Variants in KLHL41 observed in about 807,000 individuals in gnomAD.
KLHL41 encodes the protein kelch like family member 41, also known as kelch-like protein 41.
In KLHL41, 31 loss-of-function variants were observed where a neutral mutation model predicts 49.2. That is an observed-to-expected ratio of 0.63 (90% CI 0.47 to 0.85). KLHL41 has a LOEUF of 0.85. Among genes scored for constraint, KLHL41 ranks in the 40% least tolerant of loss-of-function variants. The pLI, the probability that KLHL41 is intolerant of heterozygous loss-of-function variation, is 0.00. For missense variants in KLHL41, 663 were observed against 726.7 expected (o/e 0.91, Z 1.01); for synonymous variants, 218 against 258.5 (o/e 0.84, Z 1.50).
Position 169,510,772 on chromosome 2 carries a change from C to T in KLHL41, c.994C>T (p.Gln332Ter). 6.2e-7 allele frequency: 1 copy of T among 1,614,134 alleles called. No individual in the cohort carries two copies. The highest frequency in any genetic ancestry group is 8.5e-7 in the Non-Finnish European group (1 of 1,180,032). ...NECYLTALAE[Q>*]IPRNHSSIVT... ...ATGCTACCTTACTGCACTGGCTGAG[C>T]AGATTCCCAGAAATCATTCCAGCAT... is the stretch of plus-strand genomic sequence containing the variant. Residue 332 changes from glutamine (Q) to a stop codon, truncating the protein, a stop_gained, in exon 1 of 6, where the codon CAG becomes TAG. Coordinates refer to ENST00000284669, the MANE Select transcript of KLHL41 (RefSeq NM_006063.3). LOFTEE classifies it high-confidence loss of function. This position sits in a 1 kb window ranked among gnomAD's most constrained non-coding sequence, Gnocchi z 4.2.
Position 169,509,961 on chromosome 2 carries a change from C to T in KLHL41, c.183C>T (p.Tyr61=). Residue 61 remains tyrosine, a synonymous_variant, in exon 1 of 6, where the codon TAC becomes TAT. Coordinates refer to ENST00000284669, the MANE Select transcript of KLHL41 (RefSeq NM_006063.3). The part of the protein sequence containing the change: ...LSACSPYFRE[Y]FLSEIDEAKK... Reference sequence around the variant, plus strand: ...CTTGTAGTCCTTACTTCCGTGAGTACTTTTTATCTGAAATTGATGAGGCGA... The same window carrying T: ...CTTGTAGTCCTTACTTCCGTGAGTATTTTTTATCTGAAATTGATGAGGCGA... 1 of 1,614,032 alleles carries T rather than the reference C, an allele frequency of 6.2e-7. No homozygotes were observed. The highest frequency in any genetic ancestry group is 1.3e-5 in the African/African-American group (1 of 74,998).
rs780442771 is a variant in KLHL41, at chr2:169,514,934, A to G, written c.1349A>G (p.Tyr450Cys). ...GTGATTTCACATAAAGGGATGATATATTGTCTAGGAGGAAAGACAGATGAC... is the reference window on the plus strand; with the variant it reads ...GTGATTTCACATAAAGGGATGATATGTTGTCTAGGAGGAAAGACAGATGAC... Reference protein sequence around the residue: ...HNVISHKGMIYCLGGKTDDKK... With the variant: ...HNVISHKGMICCLGGKTDDKK... The change falls in exon 3 of 6, where the codon TAT becomes TGT. Residue 450 changes from tyrosine to cysteine, a missense_variant. By Grantham distance (194) the Tyr-to-Cys change is radical (BLOSUM62 -2). Around this residue, in one of 3 missense-constraint regions of KLHL41, gnomAD observed 528 missense variants for 581.0 expected, o/e 0.91. Coordinates refer to ENST00000284669, the MANE Select transcript of KLHL41 (RefSeq NM_006063.3). 3.1e-6 allele frequency: 5 copies of G among 1,608,186 alleles called. No individual in the cohort carries two copies. Among genetic ancestry groups the G allele is most frequent in the Admixed American group, 1.7e-5 (1 of 59,238 alleles).
At position 169,510,653 on chromosome 2, in the gene KLHL41, T is replaced by G; in HGVS notation, c.875T>G (p.Leu292Arg). The G allele has an allele frequency of 6.2e-7, 1 of 1,614,162 alleles. No individual in the cohort carries two copies. Among genetic ancestry groups the G allele is most frequent in the Non-Finnish European group, 8.5e-7 (1 of 1,180,022 alleles). Residue 292 changes from leucine (L) to arginine (R), a missense_variant, in exon 1 of 6, where the codon CTG (leucine) becomes CGG (arginine). Physicochemically the swap from Leu to Arg is moderately radical, Grantham distance 102. Around this residue, in one of 3 missense-constraint regions of KLHL41, gnomAD observed 528 missense variants for 581.0 expected, o/e 0.91. Coordinates refer to ENST00000284669, the MANE Select transcript of KLHL41 (RefSeq NM_006063.3). The surrounding 1 kb of genome is among the most constrained non-coding windows in gnomAD (Gnocchi z 4.2). ...GATGAAGATTTACTTCCTGGTTACC[T>G]GAATGACATTCCCAGGCATGGAATG... ...VGDEDLLPGY[L>R]NDIPRHGMFV...
rs554863084 is a variant in KLHL41, at chr2:169,518,280, A to G, written c.1467A>G (p.Gly489=). 3.1e-6 allele frequency: 5 copies of G among 1,614,046 alleles called. No individual in the cohort carries two copies. In the East Asian group the frequency reaches 1.1e-4, roughly 36 times the overall value. The part of the protein sequence containing the change: ...APMKIPRSMF[G]VAVHKGKIVI... ...TGAAAATTCCTCGTTCCATGTTTGGAGTAGCAGTCCATAAAGGCAAAATTG... is the reference window on the plus strand; with the variant it reads ...TGAAAATTCCTCGTTCCATGTTTGGGGTAGCAGTCCATAAAGGCAAAATTG... The change falls in exon 4 of 6, where the codon GGA becomes GGG. Residue 489 remains glycine, a synonymous_variant. Coordinates refer to ENST00000284669, the MANE Select transcript of KLHL41 (RefSeq NM_006063.3).
rs760721693 is a variant in KLHL41 at position 169,510,375 on chromosome 2, A to T, written c.597A>T (p.Ala199=). The change falls in exon 1 of 6, where the codon GCA becomes GCT. Residue 199 remains alanine (A), a synonymous_variant. Coordinates refer to ENST00000284669, the MANE Select transcript of KLHL41 (RefSeq NM_006063.3). This position sits in a 1 kb window ranked among gnomAD's most constrained non-coding sequence, Gnocchi z 4.2. ...AAAAAGAAGAAGCAGTATTTGAGGC[A>T]GTGATGAAATGGGTGCGAACAGACA... ...NVEKEEAVFE[A]VMKWVRTDKE... The T allele has an allele frequency of 1.2e-6, 2 of 1,614,190 alleles. No homozygotes were observed. The highest frequency in any genetic ancestry group is 1.7e-6 in the Non-Finnish European group (2 of 1,180,038).
chr2:169,511,793 CTG>C (rs1230581452), intron 1 of KLHL41, among the ~76,000 whole-genome samples: 1 of 152,208 alleles, frequency 6.6e-6, no homozygotes, highest in Non-Finnish European at 1.5e-5. Flanking sequence ...ACTTAACAAT[CTG>C]TTTTGTGAAA....
Position 169,518,392 on chromosome 2 carries a change from T to G in KLHL41, c.1562+17T>G. ...AACAAATAAGTGAGTTGCCACATCT[T>G]AGTATATAGCATGTGAACAACTATA... On this transcript the variant is annotated intron_variant, in intron 4 of 5. Transcript: ENST00000284669. 1 of 1,569,492 alleles carries G rather than the reference T, an allele frequency of 6.4e-7. No homozygotes were observed. Among genetic ancestry groups the G allele is most frequent in the Non-Finnish European group, 8.7e-7 (1 of 1,145,304 alleles).
At position 169,510,558 on chromosome 2, in the gene KLHL41, A is replaced by G; in HGVS notation, c.780A>G (p.Ala260=). Residue 260 remains alanine, a synonymous_variant, in exon 1 of 6, where the codon GCA becomes GCG. Transcript: ENST00000284669. The surrounding 1 kb of genome is among the most constrained non-coding windows in gnomAD (Gnocchi z 4.2). ...KKIKVLKDAF[A]GKLPEPSKNA... The stretch of plus-strand genomic sequence containing the variant: ...TCAAAGTTCTAAAAGATGCTTTCGC[A>G]GGCAAACTCCCAGAACCTAGCAAAA... 6.2e-7 allele frequency: 1 copy of G among 1,614,112 alleles called. No individual in the cohort carries two copies. Among genetic ancestry groups the G allele is most frequent in the Non-Finnish European group, 8.5e-7 (1 of 1,180,000 alleles).
chr2:169,510,060 C>T lies in KLHL41; in HGVS notation c.282C>T (p.Ala94=), dbSNP rs1684005972. The stretch of plus-strand genomic sequence containing the variant: ...TAATCATCAAATACCTGTACTCTGC[C>T]AGTATTGATCTCAATGACGGAAATG... ...LDLIIKYLYS[A]SIDLNDGNVQ... is the part of the protein sequence containing the mutation. The change falls in exon 1 of 6, where the codon GCC becomes GCT. Residue 94 remains alanine, a synonymous_variant. Transcript: ENST00000284669. The surrounding 1 kb of genome is among the most constrained non-coding windows in gnomAD (Gnocchi z 4.2). 4 of 1,614,108 alleles carry T rather than the reference C, an allele frequency of 2.5e-6. No homozygotes were observed. The highest frequency in any genetic ancestry group is 2.7e-5 in the African/African-American group (2 of 75,032).
intron 3 of KLHL41, among the ~76,000 whole-genome samples, chr2:169,515,823 A>G (rs1416762158): frequency 1.3e-5 from 2 of 152,240 alleles, no homozygotes; most frequent in Non-Finnish European, 2.9e-5. Flanking sequence ...GTTCTTCCAC[A>G]TATTTACTCC....
Position 169,510,265 on chromosome 2 carries a change from G to C in KLHL41, c.487G>C (p.Val163Leu), listed in dbSNP as rs757934405. The change falls in exon 1 of 6, where the codon GTA (valine) becomes CTA (leucine). Residue 163 changes from valine to leucine, a missense_variant. Transcript: ENST00000284669. This position sits in a 1 kb window ranked among gnomAD's most constrained non-coding sequence, Gnocchi z 4.2. ...CCGTGAATTTGTGTCTGATCGCTTT[G>C]TACAGATTTGTAAGGAAGAGGACTT... ...SAREFVSDRF[V>L]QICKEEDFMQ... 6.2e-7 allele frequency: 1 copy of C among 1,613,926 alleles called. No homozygotes were observed. The highest frequency in any genetic ancestry group is 1.1e-5 in the South Asian group (1 of 91,084).
rs1425239123 is a variant in KLHL41 at position 169,520,187 on chromosome 2, TG to T, written c.1563-673del. 1.1e-4 allele frequency among the ~76,000 whole-genome samples: 16 copies of T among 147,156 alleles called. No homozygotes were observed. The East Asian group carries it at 3.2e-3, about 29-fold the overall frequency. The stretch of plus-strand genomic sequence containing the variant: ...GTGTGTGTGTGTGTGTGTGTGTGTG[TG>T]TGTGTGTGTGTGTGTGTGTGTAGAC... On this transcript the variant is annotated intron_variant, in intron 4 of 5. Transcript: ENST00000284669.
Position 169,525,642 on chromosome 2 carries a change from A to C in KLHL41, c.1767A>C (p.Ser589=), listed in dbSNP as rs1295244132. The C allele has an allele frequency of 6.2e-7, 1 of 1,613,740 alleles. No individual in the cohort carries two copies. The highest frequency in any genetic ancestry group is 1.7e-5 in the Admixed American group (1 of 60,034). Reference sequence around the variant, plus strand: ...TGTTGAAGGAAATACGTTATGCTTCAGGAGCTAGTTGCCTAGCAACACGTT... The same window carrying C: ...TGTTGAAGGAAATACGTTATGCTTCCGGAGCTAGTTGCCTAGCAACACGTT... ...AGMLKEIRYA[S]GASCLATRLN... The change falls in exon 6 of 6, where the codon TCA becomes TCC. Residue 589 remains serine, a synonymous_variant. Coordinates refer to ENST00000284669, the MANE Select transcript of KLHL41 (RefSeq NM_006063.3).
rs111615063 is a variant in KLHL41 at position 169,520,861 on chromosome 2, A to G, written c.1563A>G (p.Lys521=). ...SVEAFDLTTN[K]WDVMTEFPQE... ...TGACTATATTTTTAATGATACCTAG[A>G]TGGGATGTAATGACCGAATTTCCCC... The change falls in exon 5 of 6, where the codon AAA becomes AAG. Residue 521 remains lysine, a splice_region_variant and synonymous_variant. Coordinates refer to ENST00000284669, the MANE Select transcript of KLHL41 (RefSeq NM_006063.3). 6.2e-7 allele frequency: 1 copy of G among 1,605,404 alleles called. No homozygotes were observed. The highest frequency in any genetic ancestry group is 8.5e-7 in the Non-Finnish European group (1 of 1,172,984).
Position 169,509,933 on chromosome 2 carries a change from C to T in KLHL41, c.155C>T (p.Ser52Leu), listed in dbSNP as rs774105660. ...CTTCCTTGCCACAGATTGATTTTGT[C>T]AGCTTGTAGTCCTTACTTCCGTGAG... ...KSLPCHRLIL[S>L]ACSPYFREYF... Residue 52 changes from serine (S) to leucine (L), a missense_variant, in exon 1 of 6, where the codon TCA (serine) becomes TTA (leucine). Around this residue, in one of 3 missense-constraint regions of KLHL41, gnomAD observed 129 missense variants for 122.1 expected, o/e 1.06. Transcript: ENST00000284669. 1.9e-6 allele frequency: 3 copies of T among 1,614,016 alleles called. No homozygotes were observed. Among genetic ancestry groups the T allele is most frequent in the Non-Finnish European group, 2.5e-6 (3 of 1,180,032 alleles).
At chr2:169,521,956 G>A (rs1202993781) in intron 5 of KLHL41, among the ~76,000 whole-genome samples, 3 of 150,108 alleles carry the variant, frequency 2.0e-5, no homozygotes, top group African/African-American at 2.5e-5. Context: ...AACTGAGATC[G>A]CGCCACTGCA....
rs187543197 is a variant in KLHL41, at chr2:169,523,542, G to A, written c.1710-2043G>A. On this transcript the variant is annotated intron_variant, in intron 5 of 5. Coordinates refer to ENST00000284669, the MANE Select transcript of KLHL41 (RefSeq NM_006063.3). ...TAATTTGGGGTAGGATCTGGAGCAT[G>A]ATTCTCAAACTTTGCTGCATATTAG... 5.9e-4 allele frequency among the ~76,000 whole-genome samples: 90 copies of A among 152,280 alleles called. 1 individual carries two copies. Among genetic ancestry groups the A allele is most frequent in the Middle Eastern group, 6.8e-3 (2 of 294 alleles).
At chr2:169,522,080 G>A (rs910904764) in intron 5 of KLHL41, among the ~76,000 whole-genome samples, 7 of 151,898 alleles carry the variant, frequency 4.6e-5, no homozygotes, top group Non-Finnish European at 1.0e-4. Context: ...AGATTCTTAG[G>A]TGAATTGTTT....
intron 3 of KLHL41, among the ~76,000 whole-genome samples, chr2:169,516,138 C>A (rs1165368514): frequency 6.6e-6 from 1 of 152,198 alleles, no homozygotes; most frequent in Non-Finnish European, 1.5e-5. Flanking sequence ...GGCTTGTCAT[C>A]ATTTGCCCAG....
Sources: gnomAD v4.1 joint callset for allele counts (sites outside exome capture counted in the v4.1 genomes callset) on GRCh38, gnomAD v4.1.1 for gene constraint, gnomAD v4.1.1 regional missense constraint, Gnocchi (gnomAD v3.1) non-coding constraint, MANE v1.5 for transcripts, NCBI Gene and HGNC (gene_info 2026-07-23, HGNC 2026-07-21) for gene names.